CRYM: variants seen among roughly 807,000 people sequenced by gnomAD.
The protein encoded by CRYM is ketimine reductase mu-crystallin.
CRYM carries 18 observed loss-of-function variants against 32.9 expected under a neutral mutation model. The observed-to-expected ratio is 0.55, with a 90% CI of 0.38 to 0.81. The LOEUF (loss-of-function observed/expected upper bound fraction) is 0.81. CRYM is among the 30% of genes least tolerant of loss of function. The pLI, the probability that CRYM is intolerant of heterozygous loss-of-function variation, is 0.00. For synonymous variants in CRYM, 153 were observed against 152.4 expected (o/e 1.00, Z -0.03); for missense variants, 337 against 393.5 (o/e 0.86, Z 1.21).
At chr16:21,299,825 A>G (rs1035581847) in intron 1 of CRYM, 6 of 152,290 alleles carry the variant, frequency 3.9e-5, no homozygotes, top group East Asian at 3.9e-4. Context: ...CCCTTCAAGT[A>G]TATAGTTAAG....
chr16:21,264,210 G>A (rs181172287), intron 5 of CRYM, among the ~76,000 whole-genome samples: 4 of 151,188 alleles, frequency 2.6e-5, no homozygotes, highest in South Asian at 2.1e-4. Flanking sequence ...TTGTTTGTGC[G>A]GAGAGTTCTA....
At chr16:21,295,009 T>C (rs1370125021) in intron 1 of CRYM, among the ~76,000 whole-genome samples, 1 of 152,188 alleles carries the variant, frequency 6.6e-6, no homozygotes, top group Non-Finnish European at 1.5e-5. Context: ...TCATTCTTTT[T>C]ATGGCTGCAT....
intron 1 of CRYM, among the ~76,000 whole-genome samples, chr16:21,297,424 T>G (rs763795604): frequency 2.6e-5 from 4 of 152,126 alleles, no homozygotes; most frequent in African/African-American, 7.2e-5. Context: ...CAAAGACTCA[T>G]GAACACAAGG....
intron 1 of CRYM, among the ~76,000 whole-genome samples, chr16:21,294,331 T>C (rs533834041): frequency 6.6e-6 from 1 of 152,234 alleles, no homozygotes; most frequent in South Asian, 2.1e-4. Flanking sequence ...TATTCGCAAA[T>C]TATTATTATT....
chr16:21,287,000 G>C (rs2093408520), intron 1 of CRYM, among the ~76,000 whole-genome samples: 2 of 151,690 alleles, frequency 1.3e-5, no homozygotes, highest in African/African-American at 4.8e-5. Context: ...TGAGGCAGGA[G>C]AATGGCGTGA....
At chr16:21,286,156 G>T (rs12446397) in intron 1 of CRYM, among the ~76,000 whole-genome samples, 2,430 of 151,492 alleles carry the variant, frequency 0.016, 85 homozygotes, top group East Asian at 0.078. Context: ...TTTTTGAGAA[G>T]AATCAAAATA....
chr16:21,259,219 C>T (rs894634283), intron 7 of CRYM, among the ~76,000 whole-genome samples: 1 of 151,958 alleles, frequency 6.6e-6, no homozygotes, highest in African/African-American at 2.4e-5. Context: ...CTGCCTCAGC[C>T]TCCTGAGTAG....
intron 1 of CRYM, among the ~76,000 whole-genome samples, chr16:21,290,179 C>CT (rs375917644): frequency 1.2e-4 from 19 of 152,258 alleles, no homozygotes; most frequent in South Asian, 4.2e-4. Flanking sequence ...GCTGTGGGAA[C>CT]TTTTTTCTTT....
Position 21,261,605 on chromosome 16 carries a change from T to C in CRYM, c.796-267A>G. 4 of 545,630 alleles carry C rather than the reference T, an allele frequency of 7.3e-6. No homozygotes were observed. The South Asian group carries it at 8.4e-5, about 11-fold the overall frequency. 33.8% of individuals were successfully genotyped at this position (545,630 alleles called of 1,614,324 possible). ...GGGAGCTGTCCTGCCAAGATCATTG[T>C]GTCAGTGAGGAAATAGACATGCTGT... On this transcript the variant is annotated intron_variant, in intron 6 of 7. Transcript: ENST00000572914.
chr16:21,291,216 T>C (rs191115513), intron 1 of CRYM, among the ~76,000 whole-genome samples: 2 of 152,206 alleles, frequency 1.3e-5, no homozygotes, highest in Non-Finnish European at 2.9e-5. Context: ...GCTTGATTCA[T>C]TCCTGCTGGT....
chr16:21,281,484 G>C (rs2093398110), upstream of CRYM, among the ~76,000 whole-genome samples: 1 of 152,018 alleles, frequency 6.6e-6, no homozygotes, highest in Non-Finnish European at 1.5e-5. Context: ...ACCCGCCTTG[G>C]CCTCCCAAAG....
chr16:21,260,884 C>T (rs916514419), intron 7 of CRYM, among the ~76,000 whole-genome samples: 3 of 152,204 alleles, frequency 2.0e-5, no homozygotes, highest in African/African-American at 4.8e-5. Flanking sequence ...TCTTTGTCCC[C>T]TGCCCCCTCC....
chr16:21,281,263 T>A (rs2093397814), upstream of CRYM, among the ~76,000 whole-genome samples: 1 of 149,852 alleles, frequency 6.7e-6, no homozygotes, highest in African/African-American at 2.4e-5. Context: ...TATATATAAA[T>A]TTTTTTTTTG....
chr16:21,263,695 C>T (rs550149543), intron 5 of CRYM, among the ~76,000 whole-genome samples: 11 of 152,370 alleles, frequency 7.2e-5, no homozygotes, highest in African/African-American at 1.2e-4. Flanking sequence ...CAAGGTGTCA[C>T]GCCCCCTGGC....
intron 3 of CRYM, among the ~76,000 whole-genome samples, chr16:21,271,917 G>A (rs541555986): frequency 5.3e-5 from 8 of 151,796 alleles, no homozygotes; most frequent in East Asian, 3.9e-4. Flanking sequence ...GGAATGCAGC[G>A]GTGTGATCTC....
chr16:21,297,123 G>A lies in CRYM; in HGVS notation c.-193+5855C>T, dbSNP rs566866472. Among the ~76,000 whole-genome samples, 385 of 152,284 alleles carry A rather than the reference G, an allele frequency of 2.5e-3. 2 individuals are homozygous for A. The highest frequency in any genetic ancestry group is 8.5e-3 in the African/African-American group (355 of 41,554). On this transcript the variant is annotated intron_variant, in intron 1 of 9. Transcript: ENST00000219599. Reference sequence around the variant, plus strand: ...TAAAAGTCACAAAAGGCCAGGCGCGGTGGCTCACGCCTGTAATCCCAGCAC... The same window carrying A: ...TAAAAGTCACAAAAGGCCAGGCGCGATGGCTCACGCCTGTAATCCCAGCAC...
At chr16:21,275,792 T>C (rs917725514) in intron 2 of CRYM, among the ~76,000 whole-genome samples, 198 bp from the exon 3 acceptor site, 3 of 152,202 alleles carry the variant, frequency 2.0e-5, no homozygotes, top group Non-Finnish European at 4.4e-5. Context: ...TAAGCACTGG[T>C]TTCCTCACCT....
At chr16:21,265,280 G>A (rs1186587517) in intron 5 of CRYM, among the ~76,000 whole-genome samples, 1 of 152,138 alleles carries the variant, frequency 6.6e-6, no homozygotes, top group African/African-American at 2.4e-5. Context: ...AACACGCCAT[G>A]TTCGCTTCCA....
chr16:21,269,876 TG>T lies in CRYM; in HGVS notation c.402del (p.Ser135AlafsTer30). 1 of 1,603,704 alleles carries T rather than the reference TG, an allele frequency of 6.2e-7. No homozygotes were observed. Among genetic ancestry groups the T allele is most frequent in the South Asian group, 1.1e-5 (1 of 90,926 alleles). ...SAIATKFLKP[P>X]SSEVLCILGA... is the part of the protein sequence containing the mutation. ...CCAAGGATGCACAGCACTTCACTGC[TG>T]GGAGGTTTCAGAAACTATATGAGAG... is the stretch of plus-strand genomic sequence containing the variant. On this transcript the variant is annotated frameshift_variant, in exon 4 of 8. Coordinates refer to ENST00000572914, the MANE Select transcript of CRYM (RefSeq NM_001376256.1). LOFTEE classifies it high-confidence loss of function.
Sources: allele counts gnomAD v4.1 joint callset (sites outside exome capture counted in the v4.1 genomes callset), GRCh38; gene constraint gnomAD v4.1.1; transcripts MANE v1.5; gene names NCBI Gene and HGNC (gene_info 2026-07-23, HGNC 2026-07-21).